Variants in TPCN1 observed in about 807,000 individuals in gnomAD.
The protein encoded by TPCN1 is two pore channel protein 1.
Under a neutral mutation model 108.8 loss-of-function variants are expected in TPCN1, and 52 were observed. That is an observed-to-expected ratio of 0.48 (90% CI 0.38 to 0.60). TPCN1 has a LOEUF of 0.60. TPCN1 is among the 20% of genes least tolerant of loss of function. The probability of loss-of-function intolerance (pLI) is 0.00; values close to 1 mark genes in which losing one functional copy is unlikely to be tolerated. For synonymous variants in TPCN1, 446 were observed against 433.7 expected (o/e 1.03, Z -0.35); for missense variants, 806 against 1,072.8 (o/e 0.75, Z 3.47).
intron 2 of TPCN1, among the ~76,000 whole-genome samples, chr12:113,238,311 G>A (rs1018522532): frequency 7.2e-5 from 11 of 152,146 alleles, no homozygotes; most frequent in East Asian, 5.8e-4. Context: ...CAGCAGTGCC[G>A]CTTATTTTTT....
At chr12:113,252,761 A>G (rs1476682911) in intron 2 of TPCN1, among the ~76,000 whole-genome samples, 2 of 152,204 alleles carry the variant, frequency 1.3e-5, no homozygotes, top group African/African-American at 4.8e-5. Context: ...GTTTTGGCTC[A>G]GGCTTCCCTG....
chr12:113,247,456 C>T (rs555325272), intron 2 of TPCN1, among the ~76,000 whole-genome samples: 3 of 152,248 alleles, frequency 2.0e-5, no homozygotes, highest in Non-Finnish European at 2.9e-5. Context: ...TTCGAGCATA[C>T]CTTCTGCGGG....
chr12:113,252,196 A>C (rs1954664720), intron 2 of TPCN1, among the ~76,000 whole-genome samples: 1 of 152,116 alleles, frequency 6.6e-6, no homozygotes, highest in Non-Finnish European at 1.5e-5. Flanking sequence ...CTCTCACCCA[A>C]ACCAGGACAC....
chr12:113,241,464 T>TC (rs1428485909), intron 2 of TPCN1, among the ~76,000 whole-genome samples: 11 of 152,248 alleles, frequency 7.2e-5, no homozygotes, highest in African/African-American at 2.7e-4. Flanking sequence ...GGACTTTTGA[T>TC]CTGTGCTGAG....
chr12:113,277,418 A>G, intron 12 of TPCN1, 54 bp downstream of exon 12: 1 of 1,607,452 alleles, frequency 6.2e-7, no homozygotes, highest in Non-Finnish European at 8.5e-7. Context: ...GTTCACGTCT[A>G]GAGTGAACGG....
rs756698543 is a variant in TPCN1 at position 113,295,949 on chromosome 12, C to G, written c.2335-11C>G. On this transcript the variant is annotated splice_polypyrimidine_tract_variant and intron_variant, in intron 27 of 27. Transcript: ENST00000335509. ...TGCAGCCCTCAGCACCCCTTCTGCT[C>G]TCTTCTCCAGGAGTGGTATGAGGAG... The G allele has an allele frequency of 6.9e-6, 11 of 1,584,046 alleles. No homozygotes were observed. Among genetic ancestry groups the G allele is most frequent in the Non-Finnish European group, 9.4e-6 (11 of 1,165,730 alleles).
chr12:113,253,120 G>A (rs970959416), intron 2 of TPCN1, among the ~76,000 whole-genome samples: 17 of 152,146 alleles, frequency 1.1e-4, no homozygotes, highest in African/African-American at 4.1e-4. Context: ...AGCATGACCC[G>A]GGGAGGTTAC....
In TPCN1 at chr12:113,260,422, G is replaced by A; in HGVS notation, c.167G>A (p.Gly56Asp). Residue 56 changes from glycine (G) to aspartate (D), a missense_variant, in exon 3 of 28, where the codon GGT becomes GAT. Gly to Asp is a moderately conservative substitution (Grantham distance 94, BLOSUM62 -1). Transcript: ENST00000335509. Reference protein sequence around the residue: ...DSQAPSLSSGGESSPSSPAHN... With the variant: ...DSQAPSLSSGDESSPSSPAHN... ...CAGGCCCCCAGTCTCAGCTCTGGGG[G>A]TGAGAGTTCCCCCTCCAGCCCCGCA... 1.3e-6 allele frequency: 2 copies of A among 1,552,902 alleles called. No homozygotes were observed. The highest frequency in any genetic ancestry group is 2.0e-5 in the Admixed American group (1 of 48,792).
chr12:113,223,912 A>T (rs1329925697), intron 1 of TPCN1, among the ~76,000 whole-genome samples: 2 of 151,504 alleles, frequency 1.3e-5, no homozygotes, highest in South Asian at 4.2e-4. Flanking sequence ...CTCACCAGTT[A>T]AAAAAAAATA....
At chr12:113,256,352 A>T (rs951179388) in intron 2 of TPCN1, among the ~76,000 whole-genome samples, 1 of 151,436 alleles carries the variant, frequency 6.6e-6, no homozygotes, top group Non-Finnish European at 1.5e-5. Flanking sequence ...GCATGTATGT[A>T]TGTATTTATT....
At position 113,288,765 on chromosome 12, in the gene TPCN1, C is replaced by A; in HGVS notation, c.1714C>A (p.Leu572Ile). The change falls in exon 21 of 28, where the codon CTC becomes ATC. Residue 572 changes from leucine (L) to isoleucine (I), a missense_variant. Leu to Ile is a conservative substitution (Grantham distance 5). Transcript: ENST00000335509. The surrounding 1 kb of genome is among the most constrained non-coding windows in gnomAD (Gnocchi z 4.8). ...ELLPRMASLGLTLLIFYYSFA... is the reference protein window; with the variant it reads ...ELLPRMASLGITLLIFYYSFA... ...GCCCCTGTCGCCCCACAGCCTGGGC[C>A]TCACCCTGCTCATCTTTTACTACTC... The A allele has an allele frequency of 6.2e-7, 1 of 1,612,700 alleles. No individual in the cohort carries two copies.
At position 113,288,575 on chromosome 12, in the gene TPCN1, CTT is replaced by C; in HGVS notation, c.1707-182_1707-181del. On this transcript the variant is annotated intron_variant, in intron 20 of 27. Coordinates refer to ENST00000335509, the MANE Select transcript of TPCN1 (RefSeq NM_017901.6). The surrounding 1 kb of genome is among the most constrained non-coding windows in gnomAD (Gnocchi z 4.8). ...GGGGCATTTGTTCATAGCGTCCTGA[CTT>C]GAGCTGTTTTTCACCCCAGAGCTGC... The C allele has an allele frequency of 6.8e-7, 1 of 1,470,366 alleles. No homozygotes were observed. The highest frequency in any genetic ancestry group is 9.0e-7 in the Non-Finnish European group (1 of 1,113,382). 91.1% of individuals were successfully genotyped at this position (1,470,366 alleles called of 1,614,324 possible). A position where few individuals can be genotyped will look rare whatever the true frequency, so the allele number is the denominator to read the frequency against.
chr12:113,280,300 T>C (rs1046971615), intron 15 of TPCN1, 105 bp downstream of exon 15: 2 of 896,018 alleles, frequency 2.2e-6, no homozygotes, highest in African/African-American at 3.3e-5. Flanking sequence ...GTGTTTGACT[T>C]TTTATTGTGG....
rs1566195290 is a variant in TPCN1 at position 113,284,536 on chromosome 12, G to A, written c.1343-45G>A. 5.0e-6 allele frequency: 8 copies of A among 1,610,232 alleles called. 1 individual carries two copies. In the South Asian group the frequency reaches 5.5e-5, roughly 11 times the overall value. On this transcript the variant is annotated intron_variant, in intron 15 of 27. Coordinates refer to ENST00000335509, the MANE Select transcript of TPCN1 (RefSeq NM_017901.6). The surrounding 1 kb of genome is among the most constrained non-coding windows in gnomAD (Gnocchi z 4.1). ...TCAGCTGCGACCTGCAGATTTCTAAGCCCCCCTGTTATTTCTCTGTCTTTT... is the reference window on the plus strand; with the variant it reads ...TCAGCTGCGACCTGCAGATTTCTAAACCCCCCTGTTATTTCTCTGTCTTTT...
At chr12:113,242,671 C>T (rs1954194594) in intron 2 of TPCN1, among the ~76,000 whole-genome samples, 1 of 152,194 alleles carries the variant, frequency 6.6e-6, no homozygotes, top group Non-Finnish European at 1.5e-5. Context: ...AATTACAGAA[C>T]CCTCTGCAGT....
In TPCN1 at chr12:113,288,485, A is replaced by G. The variant is rs1002058332; in HGVS notation, c.1706+251A>G. The G allele has an allele frequency of 6.7e-6, 10 of 1,503,682 alleles. No individual in the cohort carries two copies. Among genetic ancestry groups the G allele is most frequent in the South Asian group, 3.8e-5 (3 of 79,390 alleles). The allele number at this position is 1,503,682 out of a possible 1,614,324, so 93.1% of individuals were successfully genotyped here. On this transcript the variant is annotated intron_variant, in intron 20 of 27. Transcript: ENST00000335509. The surrounding 1 kb of genome is among the most constrained non-coding windows in gnomAD (Gnocchi z 4.8). ...GTCAACTCGCTTACCACCTGTGTCTACATTCACAGGTAAGGGGTCACCTGT... is the reference window on the plus strand; with the variant it reads ...GTCAACTCGCTTACCACCTGTGTCTGCATTCACAGGTAAGGGGTCACCTGT...
intron 2 of TPCN1, among the ~76,000 whole-genome samples, chr12:113,247,810 A>G (rs1231784641): frequency 6.6e-6 from 1 of 152,234 alleles, no homozygotes; most frequent in African/African-American, 2.4e-5. Context: ...CTGAGTGGCC[A>G]GTGTCACCCC....
intron 2 of TPCN1, among the ~76,000 whole-genome samples, chr12:113,248,641 G>A (rs1954497473): frequency 6.6e-6 from 1 of 152,190 alleles, no homozygotes; most frequent in Non-Finnish European, 1.5e-5. Flanking sequence ...CAACAAGGAG[G>A]TTAGCATGGC....
chr12:113,290,374 G>C, intron 22 of TPCN1, 131 bp downstream of exon 22: 3 of 675,838 alleles, frequency 4.4e-6, no homozygotes, highest in Non-Finnish European at 7.7e-6. Flanking sequence ...TGGCCCAGGT[G>C]GAGGACTTGG....
Sources: allele counts gnomAD v4.1 joint callset (sites outside exome capture counted in the v4.1 genomes callset), GRCh38; gene constraint gnomAD v4.1.1; non-coding constraint Gnocchi (gnomAD v3.1); transcripts MANE v1.5; gene names NCBI Gene and HGNC (gene_info 2026-07-23, HGNC 2026-07-21).